The following OR4N2 variants were observed in gnomAD, a reference collection of about 807,000 sequenced individuals.
OR4N2 encodes the protein olfactory receptor 4N2.
For missense variants in OR4N2, 307 were observed against 377.6 expected, an observed-to-expected ratio of 0.81 and a Z score of 1.55; for synonymous variants, 141 against 140.4, an observed-to-expected ratio of 1.00 and a Z score of -0.03.
At chr14:19,825,837 C>T (rs1879683352) in intron 1 of OR4N2, among the ~76,000 whole-genome samples, 1 of 152,208 alleles carries the variant, frequency 6.6e-6, no homozygotes, top group South Asian at 2.1e-4. Flanking sequence ...GGATTACAGG[C>T]ATGAGTCATC....
chr14:19,805,333 A>C (rs1455460033), intron 1 of OR4N2, among the ~76,000 whole-genome samples: 1 of 152,222 alleles, frequency 6.6e-6, no homozygotes, highest in Non-Finnish European at 1.5e-5. Context: ...TTTGAAATCC[A>C]ATCCATGGAA....
intron 1 of OR4N2, among the ~76,000 whole-genome samples, chr14:19,804,208 T>C (rs1349890630): frequency 2.0e-5 from 3 of 152,220 alleles, no homozygotes; most frequent in Non-Finnish European, 4.4e-5. Flanking sequence ...TCAGTTCAGC[T>C]CTGATTTCAG....
At chr14:19,814,858 T>A (rs1879386106) in intron 1 of OR4N2, among the ~76,000 whole-genome samples, 1 of 152,142 alleles carries the variant, frequency 6.6e-6, no homozygotes, top group African/African-American at 2.4e-5. Context: ...TGTGGGATAT[T>A]CCCCTCGCTG....
At chr14:19,824,854 C>T (rs529661698) in intron 1 of OR4N2, among the ~76,000 whole-genome samples, 8 of 152,318 alleles carry the variant, frequency 5.3e-5, no homozygotes, top group Admixed American at 5.2e-4. Flanking sequence ...GTCTATGTTA[C>T]CAGCAAAACT....
intron 1 of OR4N2, among the ~76,000 whole-genome samples, chr14:19,808,837 A>T (rs1175387452): frequency 6.8e-6 from 1 of 146,910 alleles, no homozygotes; most frequent in Non-Finnish European, 1.5e-5. Flanking sequence ...AAAAAAAGTA[A>T]AAAAAATGAA....
chr14:19,811,775 A>T (rs1879302947), intron 1 of OR4N2, among the ~76,000 whole-genome samples: 1 of 152,272 alleles, frequency 6.6e-6, no homozygotes, highest in Admixed American at 6.5e-5. Context: ...TTCTAAGTAG[A>T]TTGGAAATGA....
chr14:19,821,468 G>T (rs1879563687), intron 1 of OR4N2, among the ~76,000 whole-genome samples: 1 of 151,854 alleles, frequency 6.6e-6, no homozygotes, highest in Non-Finnish European at 1.5e-5. Context: ...ATGTATATAT[G>T]TATTTTTTGC....
At chr14:19,818,009 C>CTT (rs2083426458) in intron 1 of OR4N2, among the ~76,000 whole-genome samples, 1 of 152,246 alleles carries the variant, frequency 6.6e-6, no homozygotes, top group Non-Finnish European at 1.5e-5. Context: ...GAGTGAGTTT[C>CTT]TTAATCCTGA....
intron 1 of OR4N2, among the ~76,000 whole-genome samples, chr14:19,811,185 A>G (rs1879285777): frequency 6.6e-6 from 1 of 152,276 alleles, no homozygotes; most frequent in African/African-American, 2.4e-5. Flanking sequence ...AGGATTTTGC[A>G]TTGCAAGGAT....
chr14:19,811,937 C>A (rs1879306548), intron 1 of OR4N2, among the ~76,000 whole-genome samples: 1 of 152,108 alleles, frequency 6.6e-6, no homozygotes. Context: ...ATGTGCTGAC[C>A]ATTGAAAGAA....
intron 1 of OR4N2, among the ~76,000 whole-genome samples, chr14:19,815,433 C>CT (rs1297811643): frequency 9.2e-5 from 14 of 152,066 alleles, no homozygotes; most frequent in African/African-American, 2.4e-4. Context: ...TGATGATGAG[C>CT]TTTTTTTTCA....
At chr14:19,826,501 G>A (rs374942325) in intron 1 of OR4N2, among the ~76,000 whole-genome samples, 21 of 152,186 alleles carry the variant, frequency 1.4e-4, no homozygotes, top group Non-Finnish European at 2.2e-4. Context: ...ATAACTACAG[G>A]TTATTTCTCA....
rs1253797323 is a variant in OR4N2 at position 19,829,322 on chromosome 14, A to G, written c.*950A>G. The G allele has an allele frequency of 6.6e-6, 1 of 152,278 alleles. No homozygotes were observed. The highest frequency in any genetic ancestry group is 1.5e-5 in the Non-Finnish European group (1 of 68,052). The allele number at this position is 152,278 out of a possible 1,614,324, so 9.4% of individuals were successfully genotyped here. A position where few individuals can be genotyped will look rare whatever the true frequency, so the allele number is the denominator to read the frequency against. On this transcript the variant is annotated 3_prime_UTR_variant, in exon 2 of 2. Transcript: ENST00000557677. ...TGCCAATTGATTTCACTCTAAGTTT[A>G]ATAACAACAGTCTTTTGGTAGAGCA...
At chr14:19,807,767 G>T (rs1180638264) in intron 1 of OR4N2, among the ~76,000 whole-genome samples, 1 of 152,102 alleles carries the variant, frequency 6.6e-6, no homozygotes, top group African/African-American at 2.4e-5. Context: ...CCAAAACCTG[G>T]CAGGGACAGA....
chr14:19,808,688 C>T (rs1879224144), intron 1 of OR4N2, among the ~76,000 whole-genome samples: 1 of 152,156 alleles, frequency 6.6e-6, no homozygotes, highest in Non-Finnish European at 1.5e-5. Context: ...TATCTCACTA[C>T]CAACACCATT....
chr14:19,815,666 T>G lies in OR4N2; in HGVS notation c.-9-11774T>G, dbSNP rs867296039. Among the ~76,000 whole-genome samples the G allele has an allele frequency of 1.4e-3, 211 of 151,436 alleles. No homozygotes were observed. In the South Asian group the frequency reaches 0.019, roughly 14 times the overall value. On this transcript the variant is annotated intron_variant, in intron 1 of 1. Transcript: ENST00000557677. ...AGAGGTTTTTTTTTGTTTTTTTTTTTTTTGTTTTTTTTCTGTGCAGAAGCT... is the reference window on the plus strand; with the variant it reads ...AGAGGTTTTTTTTTGTTTTTTTTTTGTTTGTTTTTTTTCTGTGCAGAAGCT...
chr14:19,819,489 C>T (rs568759496), intron 1 of OR4N2, among the ~76,000 whole-genome samples: 1 of 152,256 alleles, frequency 6.6e-6, no homozygotes, highest in Non-Finnish European at 1.5e-5. Context: ...GCTATTGATA[C>T]TTGCGTATGC....
At chr14:19,812,500 T>TTTTG (rs531494706) in intron 1 of OR4N2, among the ~76,000 whole-genome samples, 343 of 148,170 alleles carry the variant, frequency 2.3e-3, no homozygotes, top group Middle Eastern at 6.9e-3. Context: ...GAGATAATTT[T>TTTTG]TTTGTTTGTT....
intron 1 of OR4N2, among the ~76,000 whole-genome samples, chr14:19,820,221 G>T (rs1879530198): frequency 6.6e-6 from 1 of 152,248 alleles, no homozygotes; most frequent in Non-Finnish European, 1.5e-5. Context: ...CGCTTTGCTG[G>T]GAGATCTGCT....
Sources: allele counts gnomAD v4.1 joint callset (sites outside exome capture counted in the v4.1 genomes callset), GRCh38; gene constraint gnomAD v4.1.1; transcripts MANE v1.5; gene names NCBI Gene and HGNC (gene_info 2026-07-23, HGNC 2026-07-21).